CMKLR1: variants seen among roughly 807,000 people sequenced by gnomAD.
CMKLR1 encodes chemerin-like receptor 1.
A neutral mutation model predicts 8.2 loss-of-function variants in CMKLR1; 6 were observed. The observed-to-expected ratio is 0.73, with a 90% CI of 0.40 to 1.44. The LOEUF (loss-of-function observed/expected upper bound fraction) is 1.44, where lower values mean the gene tolerates loss of function less well. Among genes scored for constraint, CMKLR1 ranks in the 40% most tolerant of loss-of-function variants. CMKLR1 has a pLI of 0.02. For synonymous variants in CMKLR1, 178 were observed against 181.2 expected, an observed-to-expected ratio of 0.98 and a Z score of 0.14; for missense variants, 429 against 478.0, an observed-to-expected ratio of 0.90 and a Z score of 0.96.
At chr12:108,329,263 A>T (rs7300811) in intron 2 of CMKLR1, among the ~76,000 whole-genome samples, 66,068 of 151,526 alleles carry the variant, frequency 0.44, 14,737 homozygotes, top group Admixed American at 0.54. Context: ...GGCCCTGAGG[A>T]GCATTCCGAC....
chr12:108,302,537 T>C (rs772878681), intron 2 of CMKLR1, among the ~76,000 whole-genome samples: 3 of 142,586 alleles, frequency 2.1e-5, no homozygotes, highest in Non-Finnish European at 3.2e-5. Context: ...CACAGCGTCC[T>C]ACAGAGGGTG....
chr12:108,310,156 T>C (rs1284939452), intron 2 of CMKLR1, among the ~76,000 whole-genome samples: 1 of 139,224 alleles, frequency 7.2e-6, no homozygotes, highest in Non-Finnish European at 1.5e-5. Context: ...AAAAGTGTGG[T>C]TAGGGGCTGT....
At chr12:108,318,944 G>A (rs1207076394) in intron 2 of CMKLR1, among the ~76,000 whole-genome samples, 5 of 152,202 alleles carry the variant, frequency 3.3e-5, no homozygotes, top group African/African-American at 9.7e-5. Flanking sequence ...AGGATCCAAA[G>A]GAATTTTCCA....
chr12:108,288,835 G>T lies in CMKLR1; in HGVS notation c.*3006C>A. The T allele has an allele frequency of 6.6e-6, 1 of 151,828 alleles. No homozygotes were observed. The highest frequency in any genetic ancestry group is 2.1e-4 in the South Asian group (1 of 4,786). The allele number at this position is 151,828 out of a possible 1,614,324, so 9.4% of individuals were successfully genotyped here. A position where few individuals can be genotyped will look rare whatever the true frequency, so the allele number is the denominator to read the frequency against. On this transcript the variant is annotated 3_prime_UTR_variant, in exon 4 of 4. Coordinates refer to ENST00000550402, the MANE Select transcript of CMKLR1 (RefSeq NM_001142343.2). ...CTTCTCCCCACCCTCTCCTTCCAAGGGCTGAAGAAGTTGGGCATTCAGGCA... is the reference window on the plus strand; with the variant it reads ...CTTCTCCCCACCCTCTCCTTCCAAGTGCTGAAGAAGTTGGGCATTCAGGCA...
chr12:108,321,391 C>A (rs146423301), intron 2 of CMKLR1, among the ~76,000 whole-genome samples: 1,756 of 152,246 alleles, frequency 0.012, 37 homozygotes, highest in African/African-American at 0.041. Flanking sequence ...ACGATCATAC[C>A]ACTGTACTCC....
intron 1 of CMKLR1, among the ~76,000 whole-genome samples, chr12:108,335,411 T>C (rs1892198211): frequency 6.6e-6 from 1 of 152,190 alleles, no homozygotes; most frequent in Non-Finnish European, 1.5e-5. Flanking sequence ...ACAATGAGGA[T>C]ATCTGAGGAG....
chr12:108,292,476 T>C lies in CMKLR1; in HGVS notation c.487A>G (p.Ile163Val), dbSNP rs780132798. The change falls in exon 4 of 4, where the codon ATC becomes GTC. Residue 163 changes from isoleucine to valine, a missense_variant. By Grantham distance (29) the Ile-to-Val change is conservative (BLOSUM62 3). Coordinates refer to ENST00000550402, the MANE Select transcript of CMKLR1 (RefSeq NM_001142343.2). ...VRLAYMACMV[I>V]WVLAFFLSSP... ...CTCAAGAAGAAAGCCAGGACCCAGA[T>C]GACCATGCAGGCCATGTAAGCCAGG... The C allele has an allele frequency of 3.1e-6, 5 of 1,614,162 alleles. No homozygotes were observed. The South Asian group carries it at 5.5e-5, about 18-fold the overall frequency.
At chr12:108,299,109 T>A (rs1437377745) in intron 2 of CMKLR1, among the ~76,000 whole-genome samples, 1 of 152,196 alleles carries the variant, frequency 6.6e-6, no homozygotes, top group African/African-American at 2.4e-5. Context: ...GAATTTGTGT[T>A]TGGAGTCAGG....
intron 2 of CMKLR1, among the ~76,000 whole-genome samples, chr12:108,322,469 C>A (rs1316532826): frequency 6.6e-6 from 1 of 152,184 alleles, no homozygotes; most frequent in Non-Finnish European, 1.5e-5. Flanking sequence ...AAGTGCAATG[C>A]TTTTGTGCCT....
intron 1 of CMKLR1, among the ~76,000 whole-genome samples, chr12:108,330,897 C>G (rs1342497112): frequency 2.0e-5 from 3 of 152,156 alleles, no homozygotes; most frequent in African/African-American, 7.2e-5. Context: ...AACACATATC[C>G]CAAGAGCCTT....
At chr12:108,311,436 G>C (rs1458182441) in intron 2 of CMKLR1, among the ~76,000 whole-genome samples, 2 of 152,206 alleles carry the variant, frequency 1.3e-5, no homozygotes, top group African/African-American at 4.8e-5. Context: ...GCATCATAGA[G>C]AGACCCTGCC....
intron 2 of CMKLR1, among the ~76,000 whole-genome samples, chr12:108,325,705 G>A (rs1487921701): frequency 6.6e-6 from 1 of 152,082 alleles, no homozygotes; most frequent in Non-Finnish European, 1.5e-5. Flanking sequence ...GGAATTTGAA[G>A]CCAAGCCACC....
At chr12:108,331,761 G>A (rs1002792141) in intron 1 of CMKLR1, among the ~76,000 whole-genome samples, 1 of 152,164 alleles carries the variant, frequency 6.6e-6, no homozygotes, top group Non-Finnish European at 1.5e-5. Flanking sequence ...TGGCTTTGAA[G>A]GCTGGGGAAG....
At chr12:108,310,058 A>G (rs1245256144) in intron 2 of CMKLR1, among the ~76,000 whole-genome samples, 2 of 152,094 alleles carry the variant, frequency 1.3e-5, no homozygotes, top group African/African-American at 4.8e-5. Flanking sequence ...AGGAGGTGGC[A>G]TTTGAGCTGA....
At chr12:108,294,466 T>G (rs1333839395) in intron 2 of CMKLR1, among the ~76,000 whole-genome samples, 1 of 152,234 alleles carries the variant, frequency 6.6e-6, no homozygotes, top group Non-Finnish European at 1.5e-5. Flanking sequence ...AGTGATCACA[T>G]GCAGGGTTCA....
intron 2 of CMKLR1, among the ~76,000 whole-genome samples, chr12:108,305,650 C>T (rs567641979): frequency 1.3e-5 from 2 of 152,320 alleles, no homozygotes; most frequent in East Asian, 3.9e-4. Flanking sequence ...ACCTGGAAAC[C>T]ACACAGTGTC....
At chr12:108,316,273 T>A (rs964529114) in intron 2 of CMKLR1, among the ~76,000 whole-genome samples, 1 of 152,048 alleles carries the variant, frequency 6.6e-6, no homozygotes, top group Non-Finnish European at 1.5e-5. Context: ...CCTCTTCACT[T>A]CAGGCCCCAG....
At chr12:108,318,647 G>C (rs1409356578) in intron 2 of CMKLR1, among the ~76,000 whole-genome samples, 4 of 152,180 alleles carry the variant, frequency 2.6e-5, no homozygotes, top group African/African-American at 9.7e-5. Context: ...TGGGTTCCCA[G>C]AGAAGATGCC....
Position 108,308,768 on chromosome 12 carries a change from A to T in CMKLR1, c.-73-15104T>A, listed in dbSNP as rs76397746. Among the ~76,000 whole-genome samples the T allele has an allele frequency of 5.0e-3, 762 of 152,344 alleles. 5 individuals carry two copies. Among genetic ancestry groups the T allele is most frequent in the Non-Finnish European group, 7.3e-3 (496 of 68,024 alleles). ...TATTGGGCTCAGCTCTGAAGGCCAA[A>T]GATTCTTCCTTCCAGTCCTCTAATC... On this transcript the variant is annotated intron_variant, in intron 2 of 3. Coordinates refer to ENST00000550402, the MANE Select transcript of CMKLR1 (RefSeq NM_001142343.2).
Sources: allele counts gnomAD v4.1 joint callset (sites outside exome capture counted in the v4.1 genomes callset), GRCh38; gene constraint gnomAD v4.1.1; transcripts MANE v1.5; gene names NCBI Gene and HGNC (gene_info 2026-07-23, HGNC 2026-07-21).